The following GRIK2 variants were observed in gnomAD, a reference collection of about 807,000 sequenced individuals.
The protein encoded by GRIK2 is glutamate receptor ionotropic, kainate 2.
In GRIK2, 32 loss-of-function variants were observed where a neutral mutation model predicts 100.3. The observed-to-expected ratio is 0.32, with a 90% CI of 0.24 to 0.43. The LOEUF is 0.43. GRIK2 is among the 20% of genes least tolerant of loss of function. GRIK2 has a pLI of 1.00. For missense variants in GRIK2, 843 were observed against 1,114.9 expected (o/e 0.76, Z 3.47); for synonymous variants, 417 against 389.4 (o/e 1.07, Z -0.83).
intron 10 of GRIK2, among the ~76,000 whole-genome samples, chr6:101,827,324 T>G (rs1782396625): frequency 6.6e-6 from 1 of 151,928 alleles, no homozygotes; most frequent in African/African-American, 2.4e-5. Context: ...TAAAAGAATT[T>G]TTCTAGATTG....
intron 4 of GRIK2, among the ~76,000 whole-genome samples, chr6:101,655,016 A>G (rs1781991252): frequency 6.6e-6 from 1 of 152,172 alleles, no homozygotes; most frequent in South Asian, 2.1e-4. Context: ...CTATAAAACT[A>G]TAGCTGTGGA....
chr6:101,993,085 CTT>C (rs1453391432), intron 14 of GRIK2: 13 of 151,468 alleles, frequency 8.6e-5, no homozygotes, highest in African/African-American at 2.9e-4. Context: ...CTAAATCCCT[CTT>C]TGACAAATCC....
Position 101,924,649 on chromosome 6 carries a change from A to G in GRIK2, c.1797A>G (p.Ser599=). ...WYNPHPCNPD[S]DVVENNFTLL... ...ATCCACACCCTTGCAACCCTGACTC[A>G]GACGTGGTGGAAAACAATTTTACCT... Residue 599 remains serine (S), a synonymous_variant, in exon 13 of 17, where the codon TCA becomes TCG. Coordinates refer to ENST00000369134, the MANE Select transcript of GRIK2 (RefSeq NM_021956.5). 1 of 1,611,980 alleles carries G rather than the reference A, an allele frequency of 6.2e-7. No homozygotes were observed. Among genetic ancestry groups the G allele is most frequent in the Non-Finnish European group, 8.5e-7 (1 of 1,178,024 alleles).
chr6:101,630,722 A>T (rs1426097430), intron 4 of GRIK2, among the ~76,000 whole-genome samples: 1 of 152,132 alleles, frequency 6.6e-6, no homozygotes, highest in East Asian at 1.9e-4. Flanking sequence ...TGACTATTTG[A>T]TGATGTGATA....
chr6:101,416,506 A>G (rs1402548927), intron 2 of GRIK2, among the ~76,000 whole-genome samples: 1 of 152,188 alleles, frequency 6.6e-6, no homozygotes, highest in African/African-American at 2.4e-5. Flanking sequence ...TCACTTGCTA[A>G]TCACATTGTC....
At position 101,802,338 on chromosome 6, in the gene GRIK2, G is replaced by C; in HGVS notation, c.1103G>C (p.Trp368Ser). The part of the protein sequence containing the change: ...RFMSLIKEAH[W>S]EGLTGRITFN... ...GTTTTTCTATTCCCATAGGCACATT[G>C]GGAAGGCCTCACAGGCAGAATAACT... is the stretch of plus-strand genomic sequence containing the variant. Residue 368 changes from tryptophan to serine, a missense_variant, in exon 9 of 17, where the codon TGG becomes TCG. This residue lies in a region of GRIK2 where 519 missense variants were observed against 643.8 expected (regional missense o/e 0.81). Transcript: ENST00000369134. 1 of 1,506,156 alleles carries C rather than the reference G, an allele frequency of 6.6e-7. No individual in the cohort carries two copies. The highest frequency in any genetic ancestry group is 9.1e-7 in the Non-Finnish European group (1 of 1,097,614). 93.3% of individuals were successfully genotyped at this position (1,506,156 alleles called of 1,614,324 possible).
At chr6:101,736,404 C>T (rs1775634385) in intron 7 of GRIK2, among the ~76,000 whole-genome samples, 1 of 152,330 alleles carries the variant, frequency 6.6e-6, no homozygotes, top group Admixed American at 6.5e-5. Context: ...CTGCAGCAAA[C>T]TTCTGCTTGG....
rs1216866034 is a variant in GRIK2 at position 101,916,343 on chromosome 6, A to G, written c.1749-8258A>G. Among the ~76,000 whole-genome samples the G allele has an allele frequency of 9.9e-5, 15 of 151,296 alleles. No homozygotes were observed. The East Asian group carries it at 2.7e-3, about 27-fold the overall frequency. On this transcript the variant is annotated intron_variant, in intron 12 of 16. Coordinates refer to ENST00000369134, the MANE Select transcript of GRIK2 (RefSeq NM_021956.5). ...TTCTGATAATATCACAGACTTTATG[A>G]CCAAATCTTAATTATTGAATGCTCT... is the stretch of plus-strand genomic sequence containing the variant.
At chr6:101,692,876 A>G (rs1364352070) in intron 7 of GRIK2, among the ~76,000 whole-genome samples, 3 of 152,252 alleles carry the variant, frequency 2.0e-5, no homozygotes, top group East Asian at 3.9e-4. Flanking sequence ...TAATGAAGTC[A>G]TAAGTACAAC....
In GRIK2 at chr6:101,871,475, A is replaced by G. The variant is rs368233193; in HGVS notation, c.1524+11982A>G. Among the ~76,000 whole-genome samples, 7 of 151,150 alleles carry G rather than the reference A, an allele frequency of 4.6e-5. No individual in the cohort carries two copies. In the East Asian group the frequency reaches 9.7e-4, roughly 21 times the overall value. On this transcript the variant is annotated intron_variant, in intron 11 of 16. Coordinates refer to ENST00000369134, the MANE Select transcript of GRIK2 (RefSeq NM_021956.5). ...TGAAGTTTGGAGTGTGCATGATCCC[A>G]TAACCCCGATAGTGAGCATCACACA...
At position 101,526,903 on chromosome 6, in the gene GRIK2, C is replaced by A. The variant is rs567755872; in HGVS notation, c.116-95046C>A. ...CCATGGGTCCTGTAGAAAGCTGAAT[C>A]CTCTCCGGGGGTTCAGAGGAGGCAA... is the stretch of plus-strand genomic sequence containing the variant. On this transcript the variant is annotated intron_variant, in intron 2 of 16. Transcript: ENST00000369134. 7.2e-5 allele frequency among the ~76,000 whole-genome samples: 11 copies of A among 152,256 alleles called. No individual in the cohort carries two copies. The South Asian group carries it at 2.3e-3, about 32-fold the overall frequency.
chr6:101,996,776 C>T, intron 14 of GRIK2, among the ~76,000 whole-genome samples: 1 of 152,082 alleles, frequency 6.6e-6, no homozygotes, highest in East Asian at 1.9e-4. Flanking sequence ...TACACTTACT[C>T]ACCAAGGCTT....
At chr6:101,624,733 T>C (rs1332349214) in intron 3 of GRIK2, among the ~76,000 whole-genome samples, 6 of 151,996 alleles carry the variant, frequency 3.9e-5, no homozygotes, top group Non-Finnish European at 8.8e-5. Context: ...TTTTTCAACA[T>C]GGTTTACTTT....
At chr6:101,867,685 T>C (rs1019479987) in intron 11 of GRIK2, among the ~76,000 whole-genome samples, 15 of 151,680 alleles carry the variant, frequency 9.9e-5, no homozygotes, top group Non-Finnish European at 2.2e-4. Flanking sequence ...TGTTTAATTT[T>C]TCTTTCAGTA....
intron 2 of GRIK2, among the ~76,000 whole-genome samples, chr6:101,475,876 G>A (rs1236291121): frequency 6.6e-6 from 1 of 151,980 alleles, no homozygotes; most frequent in Non-Finnish European, 1.5e-5. Context: ...CAGCTCAACA[G>A]TAGAAGAGTA....
intron 2 of GRIK2, among the ~76,000 whole-genome samples, chr6:101,498,892 T>G (rs2128272264): frequency 6.6e-6 from 1 of 152,292 alleles, no homozygotes; most frequent in African/African-American, 2.4e-5. Flanking sequence ...ATTTGTCAAT[T>G]TTGGCTTTTG....
chr6:101,720,402 CATTT>C (rs1406280786), intron 7 of GRIK2, among the ~76,000 whole-genome samples: 1 of 151,802 alleles, frequency 6.6e-6, no homozygotes, highest in Non-Finnish European at 1.5e-5. Flanking sequence ...CTCATTTCAC[CATTT>C]GTTTAAGCAT....
chr6:101,908,514 C>T (rs977848714), intron 12 of GRIK2, among the ~76,000 whole-genome samples: 2 of 150,722 alleles, frequency 1.3e-5, no homozygotes, highest in Non-Finnish European at 3.0e-5. Flanking sequence ...ATATATTTAC[C>T]TATAATGCTA....
chr6:101,967,119 A>T (rs896817032), intron 14 of GRIK2, among the ~76,000 whole-genome samples: 6 of 151,816 alleles, frequency 4.0e-5, no homozygotes, highest in African/African-American at 1.4e-4. Flanking sequence ...ATAATATTAA[A>T]CATTTTTATA....
Sources: allele counts gnomAD v4.1 joint callset (sites outside exome capture counted in the v4.1 genomes callset), GRCh38; gene constraint gnomAD v4.1.1; regional missense constraint gnomAD v4.1.1; transcripts MANE v1.5; gene names NCBI Gene and HGNC (gene_info 2026-07-23, HGNC 2026-07-21).